Variants in UBE2L3 observed in about 807,000 individuals in gnomAD.
The protein encoded by UBE2L3 is ubiquitin conjugating enzyme E2 L3.
Under a neutral mutation model 17.8 loss-of-function variants are expected in UBE2L3, and 1 was observed. That is an observed-to-expected ratio of 0.06 (90% CI 0.02 to 0.27). The LOEUF (loss-of-function observed/expected upper bound fraction) is 0.27. UBE2L3 is among the 10% of genes least tolerant of loss of function. The probability of loss-of-function intolerance (pLI) is 1.00; values close to 1 mark genes in which losing one functional copy is unlikely to be tolerated. For synonymous variants in UBE2L3, 44 were observed against 68.5 expected, an observed-to-expected ratio of 0.64 and a Z score of 1.76; for missense variants, 40 against 192.6, an observed-to-expected ratio of 0.21 and a Z score of 4.69.
At chr22:21,592,985 C>A in intron 2 of UBE2L3, 29 bp downstream of exon 2, 1 of 1,583,614 alleles carries the variant, frequency 6.3e-7, no homozygotes, top group Non-Finnish European at 8.7e-7. Context: ...CACTTCCTAC[C>A]AGATTATTCT....
intron 1 of UBE2L3, among the ~76,000 whole-genome samples, chr22:21,579,211 C>G (rs546184706): frequency 6.6e-6 from 1 of 151,880 alleles, no homozygotes; most frequent in Non-Finnish European, 1.5e-5. Context: ...AGGATGGTCT[C>G]GAACTTCTGA....
chr22:21,586,418 C>T (rs975101044), intron 1 of UBE2L3, among the ~76,000 whole-genome samples: 2 of 151,834 alleles, frequency 1.3e-5, no homozygotes, highest in Admixed American at 6.6e-5. Context: ...TATAGGTGCA[C>T]GCCACCATGC....
chr22:21,568,040 C>T, intron 1 of UBE2L3: 1 of 1,288,170 alleles, frequency 7.8e-7, no homozygotes. Flanking sequence ...CGGAGCTTGG[C>T]CGCGTCCCCC....
Position 21,622,930 on chromosome 22 carries a change from T to C in UBE2L3, c.*1261T>C, listed in dbSNP as rs1168956235. 6.5e-6 allele frequency: 1 copy of C among 152,722 alleles called. No homozygotes were observed. Among genetic ancestry groups the C allele is most frequent in the Non-Finnish European group, 1.5e-5 (1 of 68,038 alleles). The allele number at this position is 152,722 out of a possible 1,614,324, so 9.5% of individuals were successfully genotyped here. On this transcript the variant is annotated 3_prime_UTR_variant, in exon 4 of 4. Transcript: ENST00000342192. ...GTAGAAATAAAAATTGACCTTAGAA[T>C]TTATCGTCAGATAAACTTGTAAAGA...
chr22:21,595,772 A>G (rs1928485476), intron 2 of UBE2L3, among the ~76,000 whole-genome samples: 1 of 152,152 alleles, frequency 6.6e-6, no homozygotes, highest in African/African-American at 2.4e-5. Context: ...CCCTTTAGGA[A>G]CTAGAGGTGT....
intron 1 of UBE2L3, among the ~76,000 whole-genome samples, chr22:21,590,397 C>T (rs1188077662): frequency 1.3e-5 from 2 of 152,146 alleles, no homozygotes; most frequent in African/African-American, 4.8e-5. Flanking sequence ...GGGGTTTCGC[C>T]ATGTTGGCCA....
intron 2 of UBE2L3, among the ~76,000 whole-genome samples, chr22:21,606,376 G>A (rs776802265): frequency 2.0e-5 from 3 of 152,128 alleles, no homozygotes; most frequent in Non-Finnish European, 2.9e-5. Context: ...CTGGAGTGCA[G>A]TGGCACAATC....
At chr22:21,618,096 C>T (rs1929866262) in intron 3 of UBE2L3, among the ~76,000 whole-genome samples, 1 of 151,796 alleles carries the variant, frequency 6.6e-6, no homozygotes, top group African/African-American at 2.4e-5. Context: ...CAGGAGAATC[C>T]CTTGAACCCA....
At chr22:21,570,579 C>T (rs1229600094) in intron 1 of UBE2L3, among the ~76,000 whole-genome samples, 1 of 152,176 alleles carries the variant, frequency 6.6e-6, no homozygotes, top group East Asian at 1.9e-4. Flanking sequence ...GTCTTTCTTA[C>T]TCAAAGGCTG....
Position 21,591,130 on chromosome 22 carries a change from G to A in UBE2L3, c.28-1731G>A, listed in dbSNP as rs562774292. 1.3e-4 allele frequency among the ~76,000 whole-genome samples: 20 copies of A among 152,306 alleles called. No homozygotes were observed. The South Asian group carries it at 3.7e-3, about 28-fold the overall frequency. The stretch of plus-strand genomic sequence containing the variant: ...AGGTTGGAGTGGTCCCTCAGGTTCC[G>A]TACCTCCTTATGCAGGGAAAGAGGG... On this transcript the variant is annotated intron_variant, in intron 1 of 3. Transcript: ENST00000342192.
intron 1 of UBE2L3, among the ~76,000 whole-genome samples, chr22:21,572,987 A>C (rs1601396702): frequency 6.7e-6 from 1 of 149,244 alleles, no homozygotes; most frequent in African/African-American, 2.5e-5. Flanking sequence ...CTCCATCCCC[A>C]CTCCCACTCC....
chr22:21,596,867 T>G (rs1172327255), intron 2 of UBE2L3, among the ~76,000 whole-genome samples: 1 of 152,204 alleles, frequency 6.6e-6, no homozygotes, highest in East Asian at 1.9e-4. Context: ...TTTTTTTTTG[T>G]TTTTACGTTA....
At chr22:21,607,176 G>A (rs910672438) in intron 2 of UBE2L3, among the ~76,000 whole-genome samples, 17 of 152,072 alleles carry the variant, frequency 1.1e-4, no homozygotes, top group African/African-American at 3.6e-4. Context: ...CTTAGGCCAC[G>A]GCTTGAAGAT....
At chr22:21,558,619 G>C (rs1255388162) in intron 1 of UBE2L3, among the ~76,000 whole-genome samples, 21 of 135,270 alleles carry the variant, frequency 1.6e-4, no homozygotes, top group South Asian at 5.2e-4. Context: ...GACAAAGTGA[G>C]ACTCTGTCTC....
intron 1 of UBE2L3, among the ~76,000 whole-genome samples, chr22:21,581,417 T>C (rs1459435679): frequency 1.3e-5 from 2 of 152,084 alleles, no homozygotes; most frequent in African/African-American, 2.4e-5. Context: ...CTTGAACTCC[T>C]GGCCTCAAGC....
intron 3 of UBE2L3, 103 bp downstream of exon 3, chr22:21,611,146 A>G: frequency 7.5e-7 from 1 of 1,333,588 alleles, no homozygotes; most frequent in Non-Finnish European, 1.0e-6. Flanking sequence ...AGAATCTTTC[A>G]GGTACACGAA....
intron 1 of UBE2L3, among the ~76,000 whole-genome samples, chr22:21,591,146 G>T (rs749237784): frequency 6.6e-6 from 1 of 152,168 alleles, no homozygotes; most frequent in East Asian, 1.9e-4. Flanking sequence ...CCTTATGCAG[G>T]GAAAGAGGGG....
intron 1 of UBE2L3, among the ~76,000 whole-genome samples, chr22:21,571,802 T>G (rs2148401006): frequency 6.6e-6 from 1 of 152,244 alleles, no homozygotes; most frequent in African/African-American, 2.4e-5. Flanking sequence ...ATTCCTTGGG[T>G]TTCGTTGTAT....
At position 21,595,084 on chromosome 22, in the gene UBE2L3, C is replaced by G. The variant is rs541567604; in HGVS notation, c.123+2128C>G. Among the ~76,000 whole-genome samples the G allele has an allele frequency of 2.6e-5, 4 of 152,298 alleles. No individual in the cohort carries two copies. The East Asian group carries it at 7.7e-4, about 29-fold the overall frequency. ...GGGCTATGGAGCAGTGGGCTAAGAT[C>G]TTACTAGGGCAAAGGTGGAGGCTGG... On this transcript the variant is annotated intron_variant, in intron 2 of 3. Coordinates refer to ENST00000342192, the MANE Select transcript of UBE2L3 (RefSeq NM_003347.4).
Sources: allele counts gnomAD v4.1 joint callset (sites outside exome capture counted in the v4.1 genomes callset), GRCh38; gene constraint gnomAD v4.1.1; transcripts MANE v1.5; gene names NCBI Gene and HGNC (gene_info 2026-07-23, HGNC 2026-07-21).